DIAPH2: variants seen among roughly 807,000 people sequenced by gnomAD.
DIAPH2 encodes the protein diaphanous related formin 2, also known as protein diaphanous homolog 2.
DIAPH2 carries 35 observed loss-of-function variants against 92.7 expected under a neutral mutation model. The ratio of observed to expected loss-of-function variants is 0.38; its 90% CI spans 0.29 to 0.50. The LOEUF (loss-of-function observed/expected upper bound fraction) is 0.50. Ranked by LOEUF, DIAPH2 falls within the 20% of genes least tolerant of loss-of-function variation. The pLI, the probability that DIAPH2 is intolerant of heterozygous loss-of-function variation, is 0.94. For missense variants in DIAPH2, 701 were observed against 819.5 expected (o/e 0.86, Z 1.77); for synonymous variants, 301 against 280.4 (o/e 1.07, Z -0.73).
chrX:97,186,727 A>G (rs1264547309), intron 22 of DIAPH2, among the ~76,000 whole-genome samples: 3 of 112,085 alleles, frequency 2.7e-5, no homozygotes, highest in Non-Finnish European at 3.8e-5. Context: ...AAATCTAAAT[A>G]AACTGGCTTG....
intron 3 of DIAPH2, 21 bp from the exon 4 acceptor site, chrX:96,758,133 A>G (rs1477135500): frequency 5.2e-6 from 6 of 1,150,899 alleles, no homozygotes; most frequent in Non-Finnish European, 5.8e-6. Flanking sequence ...CAATGCCCAC[A>G]GTAAATGTTA....
At chrX:97,237,469 G>A (rs1263405103) in intron 22 of DIAPH2, among the ~76,000 whole-genome samples, 3 of 111,026 alleles carry the variant, frequency 2.7e-5, no homozygotes, top group Non-Finnish European at 3.8e-5. Context: ...ATATCAAGTC[G>A]AAAAGACTTG....
rs776776882 is a variant in DIAPH2, at chrX:97,202,614, A to G, written c.2720-45101A>G. Among the ~76,000 whole-genome samples, 32 of 112,642 alleles carry G rather than the reference A, an allele frequency of 2.8e-4. No homozygotes were observed. The South Asian group carries it at 4.1e-3, about 14-fold the overall frequency. On this transcript the variant is annotated intron_variant, in intron 22 of 26. Coordinates refer to ENST00000324765, the MANE Select transcript of DIAPH2 (RefSeq NM_006729.5). ...GTACTACCTAATGGTATAGAGATCAATGCAACAAGAAGAGCTAACTGTCCT... is the reference window on the plus strand; with the variant it reads ...GTACTACCTAATGGTATAGAGATCAGTGCAACAAGAAGAGCTAACTGTCCT...
intron 7 of DIAPH2, 71 bp downstream of exon 7, chrX:96,912,623 G>A (rs751718285): frequency 1.9e-6 from 2 of 1,030,784 alleles, no homozygotes; most frequent in Admixed American, 3.9e-5. Flanking sequence ...AGTATGAAAT[G>A]AACAAAATAT....
chrX:97,264,006 C>G (rs1051687923), intron 23 of DIAPH2, among the ~76,000 whole-genome samples: 2 of 108,544 alleles, frequency 1.8e-5, no homozygotes, highest in Non-Finnish European at 3.8e-5. Flanking sequence ...ACTGCAGCCT[C>G]GACCTCCTGG....
chrX:96,709,803 C>T (rs2063907610), intron 1 of DIAPH2, among the ~76,000 whole-genome samples: 1 of 111,820 alleles, frequency 8.9e-6, no homozygotes, highest in Non-Finnish European at 1.9e-5. Context: ...TAGTGAAGGA[C>T]CAGCATACCT....
chrX:97,552,955 C>T (rs990006285), intron 26 of DIAPH2, among the ~76,000 whole-genome samples: 1 of 111,427 alleles, frequency 9.0e-6, no homozygotes, highest in Non-Finnish European at 1.9e-5. Context: ...ATGTGACTAT[C>T]CCTCTGTCTC....
At chrX:97,409,406 C>T (rs774857297) in intron 25 of DIAPH2, among the ~76,000 whole-genome samples, 6 of 111,246 alleles carry the variant, frequency 5.4e-5, no homozygotes, top group African/African-American at 2.0e-4. Context: ...GATTCCATTC[C>T]AAGATGGCCA....
intron 26 of DIAPH2, among the ~76,000 whole-genome samples, chrX:97,587,189 A>T (rs940478047): frequency 9.0e-6 from 1 of 111,063 alleles, no homozygotes; most frequent in Non-Finnish European, 1.9e-5. Flanking sequence ...TGCTTATGAC[A>T]GCAAGGCTCC....
chrX:96,970,434 G>A (rs1217851279), intron 17 of DIAPH2, among the ~76,000 whole-genome samples: 1 of 110,705 alleles, frequency 9.0e-6, no homozygotes, highest in Non-Finnish European at 1.9e-5. Flanking sequence ...ATATTTGTCT[G>A]TTCCGGGTTT....
At chrX:97,575,478 T>C (rs367853821) in intron 26 of DIAPH2, among the ~76,000 whole-genome samples, 16 of 112,284 alleles carry the variant, frequency 1.4e-4, no homozygotes, top group African/African-American at 5.2e-4. Context: ...GTTACCTCCA[T>C]AAAGACCCTA....
rs1159049051 is a variant in DIAPH2 at position 97,125,471 on chromosome X, C to CAAAAAAAAAAA, written c.2589+10524_2589+10534dup. Among the ~76,000 whole-genome samples, 19 of 19,214 alleles carry CAAAAAAAAAAA rather than the reference C, an allele frequency of 9.9e-4. 1 individual carries two copies. The highest frequency in any genetic ancestry group is 1.8e-3 in the African/African-American group (19 of 10,801). 16.7% of individuals were successfully genotyped at this position (19,214 alleles called of 115,157 possible). A position where few individuals can be genotyped will look rare whatever the true frequency, so the allele number is the denominator to read the frequency against. ...TGGGTGACAGAGAGTGACTCCGTCT[C>CAAAAAAAAAAA]AAAAAAAAAAAAAAAAAAAAAAAAA... On this transcript the variant is annotated intron_variant, in intron 21 of 26. Transcript: ENST00000324765.
At chrX:97,385,923 A>T (rs1290289809) in intron 25 of DIAPH2, among the ~76,000 whole-genome samples, 1 of 112,326 alleles carries the variant, frequency 8.9e-6, no homozygotes, top group Non-Finnish European at 1.9e-5. Flanking sequence ...AATGATAGTG[A>T]GAGGTAGAAC....
intron 22 of DIAPH2, among the ~76,000 whole-genome samples, chrX:97,190,833 CAAAAAAAAA>C (rs34703572): frequency 1.4e-5 from 1 of 72,852 alleles, no homozygotes; most frequent in South Asian, 7.8e-4. Context: ...GACTCCATTT[CAAAAAAAAA>C]AAAAAAAAAA....
At position 96,787,686 on chromosome X, in the gene DIAPH2, C is replaced by CT. The variant is rs56998803; in HGVS notation, c.447+29450dup. Among the ~76,000 whole-genome samples, 489 of 54,692 alleles carry CT rather than the reference C, an allele frequency of 8.9e-3. 7 individuals are homozygous for CT. Among genetic ancestry groups the CT allele is most frequent in the East Asian group, 0.017 (26 of 1,506 alleles). 47.5% of individuals were successfully genotyped at this position (54,692 alleles called of 115,157 possible). The stretch of plus-strand genomic sequence containing the variant: ...AGGATGGTAGACATTACTCTTTTCT[C>CT]TTTTTTTTTTTTTTTTTTTTTTGAG... On this transcript the variant is annotated intron_variant, in intron 4 of 26. Transcript: ENST00000324765.
rs745773475 is a variant in DIAPH2, at chrX:97,373,503, A to T, written c.3010-10406A>T. Among the ~76,000 whole-genome samples, 8 of 108,774 alleles carry T rather than the reference A, an allele frequency of 7.4e-5. No homozygotes were observed. The South Asian group carries it at 2.8e-3, about 39-fold the overall frequency. 94.5% of individuals were successfully genotyped at this position (108,774 alleles called of 115,157 possible). ...CCTTTTATGTTATGAAGACTACAAC[A>T]AGGAAGAAAGAGGAAGTTTGTTAGG... On this transcript the variant is annotated intron_variant, in intron 24 of 26. Transcript: ENST00000324765.
intron 5 of DIAPH2, among the ~76,000 whole-genome samples, chrX:96,892,427 C>T (rs1395582366): frequency 9.0e-6 from 1 of 111,522 alleles, no homozygotes; most frequent in Non-Finnish European, 1.9e-5. Context: ...ACATACAATA[C>T]GAAATGGTAA....
chrX:97,323,206 CCT>C (rs2068915781), intron 23 of DIAPH2, among the ~76,000 whole-genome samples: 1 of 106,091 alleles, frequency 9.4e-6, no homozygotes, highest in Admixed American at 1.0e-4. Flanking sequence ...GCACCCAGCC[CCT>C]GAGCTTACTT....
At chrX:97,000,314 A>G (rs2066134869) in intron 17 of DIAPH2, among the ~76,000 whole-genome samples, 1 of 112,143 alleles carries the variant, frequency 8.9e-6, no homozygotes, top group African/African-American at 3.2e-5. Context: ...CCACTTTCAA[A>G]GTAAAGGCCT....
Sources: allele counts gnomAD v4.1 joint callset (sites outside exome capture counted in the v4.1 genomes callset), GRCh38; gene constraint gnomAD v4.1.1; transcripts MANE v1.5; gene names NCBI Gene and HGNC (gene_info 2026-07-23, HGNC 2026-07-21).